The following ZBTB16 variants were observed in gnomAD, a reference collection of about 807,000 sequenced individuals.
The protein encoded by ZBTB16 is zinc finger and BTB domain-containing protein 16.
Under a neutral mutation model 56.8 loss-of-function variants are expected in ZBTB16, and 8 were observed. The ratio of observed to expected loss-of-function variants is 0.14; its 90% CI spans 0.08 to 0.25. ZBTB16 has a LOEUF of 0.25. Among genes scored for constraint, ZBTB16 ranks in the 10% least tolerant of loss-of-function variants. The pLI, the probability that ZBTB16 is intolerant of heterozygous loss-of-function variation, is 1.00. For synonymous variants in ZBTB16, 363 were observed against 368.5 expected, an observed-to-expected ratio of 0.98 and a Z score of 0.17; for missense variants, 625 against 903.0, an observed-to-expected ratio of 0.69 and a Z score of 3.95.
intron 3 of ZBTB16, among the ~76,000 whole-genome samples, chr11:114,173,064 C>T (rs1202321792): frequency 6.6e-6 from 1 of 152,182 alleles, no homozygotes; most frequent in African/African-American, 2.4e-5. Context: ...ACCTGCAAGG[C>T]TCTTTAGATC....
intron 4 of ZBTB16, among the ~76,000 whole-genome samples, chr11:114,215,011 G>A (rs1423253798): frequency 6.6e-6 from 1 of 151,318 alleles, no homozygotes; most frequent in Non-Finnish European, 1.5e-5. Flanking sequence ...CTGCTTATAG[G>A]TGGAAGTTGC....
chr11:114,193,078 G>T (rs1943535470), intron 4 of ZBTB16, among the ~76,000 whole-genome samples: 1 of 152,196 alleles, frequency 6.6e-6, no homozygotes, highest in South Asian at 2.1e-4. Context: ...CTTGAAATAA[G>T]CTGAAGGTCT....
intron 4 of ZBTB16, among the ~76,000 whole-genome samples, chr11:114,190,675 A>G (rs1372505185): frequency 6.6e-6 from 1 of 151,902 alleles, no homozygotes; most frequent in Non-Finnish European, 1.5e-5. Flanking sequence ...TATATAAATG[A>G]GCTCTGCCAG....
chr11:114,088,223 C>T (rs552461275), intron 2 of ZBTB16, among the ~76,000 whole-genome samples: 2 of 149,992 alleles, frequency 1.3e-5, no homozygotes, highest in African/African-American at 4.9e-5. Flanking sequence ...CTCACTGCAG[C>T]CTCTGCCTCT....
chr11:114,139,482 A>G (rs1384194715), intron 2 of ZBTB16, among the ~76,000 whole-genome samples: 1 of 152,176 alleles, frequency 6.6e-6, no homozygotes, highest in Non-Finnish European at 1.5e-5. Flanking sequence ...TTTCTAAATG[A>G]AACTTGCATA....
chr11:114,202,221 G>A (rs889281893), intron 4 of ZBTB16, among the ~76,000 whole-genome samples: 2 of 152,216 alleles, frequency 1.3e-5, no homozygotes, highest in Admixed American at 1.3e-4. Flanking sequence ...ACCTGGAGGG[G>A]GTGACAGAGG....
At chr11:114,085,407 G>A (rs951475551) in intron 2 of ZBTB16, among the ~76,000 whole-genome samples, 1 of 152,284 alleles carries the variant, frequency 6.6e-6, no homozygotes, top group African/African-American at 2.4e-5. Context: ...GTACTAGGTG[G>A]TTGCTAAATG....
intron 2 of ZBTB16, among the ~76,000 whole-genome samples, chr11:114,144,771 C>T (rs1265677739): frequency 6.6e-6 from 1 of 152,236 alleles, no homozygotes; most frequent in Admixed American, 6.5e-5. Context: ...ACAGCAAGGG[C>T]TGTCAAATCA....
At chr11:114,146,168 G>A (rs1377502788) in intron 2 of ZBTB16, among the ~76,000 whole-genome samples, 5 of 152,054 alleles carry the variant, frequency 3.3e-5, no homozygotes, top group African/African-American at 7.2e-5. Flanking sequence ...AAGTCCCTGC[G>A]AGACCCACAG....
intron 4 of ZBTB16, among the ~76,000 whole-genome samples, chr11:114,199,026 A>G (rs895113470): frequency 1.4e-4 from 21 of 152,216 alleles, no homozygotes; most frequent in African/African-American, 4.8e-4. Flanking sequence ...GCAGGTTTGG[A>G]TTAGAAAGGG....
At chr11:114,235,654 C>CTT (rs1286337922) in intron 4 of ZBTB16, among the ~76,000 whole-genome samples, 84 of 23,830 alleles carry the variant, frequency 3.5e-3, no homozygotes, top group Non-Finnish European at 7.2e-3. Context: ...TTCTTTCTTT[C>CTT]TTTCTTTCTT....
intron 5 of ZBTB16, among the ~76,000 whole-genome samples, chr11:114,243,798 T>C (rs1490322309): frequency 6.6e-6 from 1 of 152,204 alleles, no homozygotes; most frequent in Admixed American, 6.5e-5. Flanking sequence ...TCAGTTGGCT[T>C]CATGTGACTT....
At chr11:114,185,920 A>G (rs531301452) in intron 3 of ZBTB16, among the ~76,000 whole-genome samples, 1 of 152,246 alleles carries the variant, frequency 6.6e-6, no homozygotes, top group Non-Finnish European at 1.5e-5. Context: ...GCACTGAATT[A>G]ATTTTATTTA....
chr11:114,145,653 A>C (rs1453543247), intron 2 of ZBTB16, among the ~76,000 whole-genome samples: 1 of 152,200 alleles, frequency 6.6e-6, no homozygotes, highest in Non-Finnish European at 1.5e-5. Context: ...GGAGGAATGG[A>C]GAGTGACTGC....
intron 2 of ZBTB16, among the ~76,000 whole-genome samples, chr11:114,103,403 T>TCTTTTC (rs1242092625): frequency 6.6e-6 from 1 of 152,232 alleles, no homozygotes; most frequent in Non-Finnish European, 1.5e-5. Context: ...AAAAACTTTT[T>TCTTTTC]CTTTTCCTTT....
intron 2 of ZBTB16, among the ~76,000 whole-genome samples, chr11:114,148,595 G>A (rs550186153): frequency 6.6e-6 from 1 of 151,360 alleles, no homozygotes; most frequent in Non-Finnish European, 1.5e-5. Flanking sequence ...CTGGGTTCAA[G>A]CGATTCTCCT....
rs140355639 is a variant in ZBTB16 at position 114,184,837 on chromosome 11, C to T, written c.1367-2115C>T. 6.0e-3 allele frequency among the ~76,000 whole-genome samples: 907 copies of T among 152,076 alleles called. 10 individuals carry two copies. The highest frequency in any genetic ancestry group is 0.021 in the African/African-American group (860 of 41,460). On this transcript the variant is annotated intron_variant, in intron 3 of 6. Transcript: ENST00000335953. ...GTGTAACAAGTAGTTCTGGCTCGTA[C>T]GAGGCTCCAATACAAAACTAAAACA... is the stretch of plus-strand genomic sequence containing the variant.
chr11:114,100,642 G>T (rs919286588), intron 2 of ZBTB16, among the ~76,000 whole-genome samples: 1 of 152,142 alleles, frequency 6.6e-6, no homozygotes, highest in Non-Finnish European at 1.5e-5. Flanking sequence ...GGATTTGGAG[G>T]TGCTGGCAAG....
chr11:114,247,601 C>G (rs547857794), intron 6 of ZBTB16, among the ~76,000 whole-genome samples: 6 of 152,304 alleles, frequency 3.9e-5, no homozygotes, highest in African/African-American at 1.4e-4. Flanking sequence ...AGCACACTTT[C>G]CAGTGAGCCC....
Sources: gnomAD v4.1 joint callset for allele counts (sites outside exome capture counted in the v4.1 genomes callset) on GRCh38, gnomAD v4.1.1 for gene constraint, MANE v1.5 for transcripts, NCBI Gene and HGNC (gene_info 2026-07-23, HGNC 2026-07-21) for gene names.